Variants in MYZAP observed in about 807,000 individuals in gnomAD.
The protein encoded by MYZAP is GRINL1A complex locus upstream.
In MYZAP, 66 loss-of-function variants were observed where a neutral mutation model predicts 69.4. The observed-to-expected ratio is 0.95, with a 90% CI of 0.78 to 1.17. MYZAP has a LOEUF of 1.17. Ranked by LOEUF, MYZAP falls within the 50% of genes most tolerant of loss-of-function variation. The pLI, the probability that MYZAP is intolerant of heterozygous loss-of-function variation, is 0.00. For synonymous variants in MYZAP, 256 were observed against 205.9 expected (o/e 1.24, Z -2.09); for missense variants, 611 against 556.2 (o/e 1.10, Z -0.99).
intron 10 of MYZAP, among the ~76,000 whole-genome samples, chr15:57,643,972 C>T (rs1313691672): frequency 6.6e-6 from 1 of 152,200 alleles, no homozygotes; most frequent in Non-Finnish European, 1.5e-5. Context: ...TTAATAAGTG[C>T]AAAGGTGCAA....
intron 10 of MYZAP, chr15:57,646,551 A>T (rs1403870737): frequency 2.0e-6 from 2 of 1,015,294 alleles, no homozygotes; most frequent in African/African-American, 3.5e-5. Flanking sequence ...ATCCTTACTT[A>T]TGGAAAAGCT....
chr15:57,662,792 T>A (rs1414598865), intron 11 of MYZAP, among the ~76,000 whole-genome samples: 1 of 152,232 alleles, frequency 6.6e-6, no homozygotes, highest in African/African-American at 2.4e-5. Flanking sequence ...TCCTGAGCTC[T>A]GAACCACCAT....
intron 12 of MYZAP, among the ~76,000 whole-genome samples, chr15:57,682,243 A>C (rs1043716414): frequency 2.6e-5 from 4 of 152,162 alleles, no homozygotes; most frequent in African/African-American, 9.7e-5. Context: ...GAAGAGAGAG[A>C]GAGAGCGTGG....
At chr15:57,628,479 C>T (rs912653972) in intron 5 of MYZAP, among the ~76,000 whole-genome samples, 1 of 151,992 alleles carries the variant, frequency 6.6e-6, no homozygotes, top group African/African-American at 2.4e-5. Context: ...GTCTTGAACT[C>T]CAGGCTCAGG....
chr15:57,608,087 G>C (rs1021033062), intron 2 of MYZAP, among the ~76,000 whole-genome samples: 1 of 152,218 alleles, frequency 6.6e-6, no homozygotes, highest in African/African-American at 2.4e-5. Flanking sequence ...TCAGATATGT[G>C]AGTAGAAAGT....
intron 10 of MYZAP, among the ~76,000 whole-genome samples, chr15:57,650,403 A>G (rs2037670478): frequency 1.3e-5 from 2 of 152,206 alleles, no homozygotes; most frequent in African/African-American, 4.8e-5. Context: ...TCCTGCTCTC[A>G]GAGGACCTTC....
In MYZAP at chr15:57,651,002, A is replaced by T. The variant is rs548421314; in HGVS notation, c.1120-10448A>T. Among the ~76,000 whole-genome samples the T allele has an allele frequency of 6.4e-4, 98 of 152,276 alleles. No individual in the cohort carries two copies. The South Asian group carries it at 6.6e-3, about 10-fold the overall frequency. The stretch of plus-strand genomic sequence containing the variant: ...GGATGTCCTTCATCACTCTGCTCAT[A>T]ATTCCTCAATGGCTCCCCATTGCCT... On this transcript the variant is annotated intron_variant, in intron 10 of 12. Coordinates refer to ENST00000267853, the MANE Select transcript of MYZAP (RefSeq NM_001018100.5).
At chr15:57,673,173 T>C (rs2038949180) in intron 11 of MYZAP, among the ~76,000 whole-genome samples, 1 of 152,202 alleles carries the variant, frequency 6.6e-6, no homozygotes, top group Non-Finnish European at 1.5e-5. Flanking sequence ...ACAAAGGATT[T>C]GGGGTCATTT....
chr15:57,673,460 A>C (rs867348590), intron 11 of MYZAP, among the ~76,000 whole-genome samples: 2 of 72,984 alleles, frequency 2.7e-5, no homozygotes, highest in Non-Finnish European at 2.9e-5. Context: ...GCATGCGTGC[A>C]TGCGTGTGTG....
At chr15:57,654,039 ATTT>A (rs1242174202) in intron 10 of MYZAP, among the ~76,000 whole-genome samples, 29 of 9,712 alleles carry the variant, frequency 3.0e-3, no homozygotes, top group Middle Eastern at 0.1. Flanking sequence ...AAAAGTCCCT[ATTT>A]AGAGGTTAGA....
At chr15:57,664,148 C>T (rs1206557146) in intron 11 of MYZAP, among the ~76,000 whole-genome samples, 1 of 151,128 alleles carries the variant, frequency 6.6e-6, no homozygotes, top group East Asian at 1.9e-4. Flanking sequence ...ATCATTTTGA[C>T]ACCTTTCAGA....
At chr15:57,627,388 A>C (rs1028541600) in intron 5 of MYZAP, among the ~76,000 whole-genome samples, 4 of 4,468 alleles carry the variant, frequency 9.0e-4, no homozygotes, top group Admixed American at 2.7e-3. Flanking sequence ...AGGGAGGGGG[A>C]GGGGGAGGGG....
intron 6 of MYZAP, 117 bp downstream of exon 6, chr15:57,629,971 A>ATTTTTTTCTTTTTT: frequency 2.3e-6 from 2 of 871,818 alleles, no homozygotes; most frequent in Non-Finnish European, 3.1e-6. Flanking sequence ...TCTTCATTGG[A>ATTTTTTTCTTTTTT]TTTTTTTTTT....
At chr15:57,613,040 T>C (rs1289031308) in intron 2 of MYZAP, among the ~76,000 whole-genome samples, 1 of 152,130 alleles carries the variant, frequency 6.6e-6, no homozygotes, top group Non-Finnish European at 1.5e-5. Flanking sequence ...CACACCATTC[T>C]CCTGCCTCAG....
rs1360445053 is a variant in MYZAP at position 57,610,346 on chromosome 15, G to A, written c.162+5991G>A. Among the ~76,000 whole-genome samples the A allele has an allele frequency of 2.6e-5, 4 of 152,336 alleles. No homozygotes were observed. In the Middle Eastern group the frequency reaches 0.01, roughly 389 times the overall value. ...TCCTTTAAAAGCCTTGGATGAATAA[G>A]CCTGCTGAGTTCTCGTCCTTGGCGT... On this transcript the variant is annotated intron_variant, in intron 2 of 12. Coordinates refer to ENST00000267853, the MANE Select transcript of MYZAP (RefSeq NM_001018100.5).
intron 6 of MYZAP, 92 bp from the exon 7 acceptor site, chr15:57,632,342 C>T (rs2036554461): frequency 6.3e-7 from 1 of 1,576,906 alleles, no homozygotes; most frequent in African/African-American, 1.3e-5. Context: ...GGCTCACTAC[C>T]TCTGTGAGTC....
At chr15:57,639,646 A>G in intron 10 of MYZAP, 101 bp downstream of exon 10, 1 of 1,360,596 alleles carries the variant, frequency 7.3e-7, no homozygotes, top group African/African-American at 1.4e-5. Flanking sequence ...TGTGGCTCAC[A>G]AGCCGAGGTG....
At chr15:57,680,807 G>T (rs1399694731) in intron 12 of MYZAP, 1 of 152,190 alleles carries the variant, frequency 6.6e-6, no homozygotes, top group Non-Finnish European at 1.5e-5. Context: ...GCTTTAAAAT[G>T]CTTATATTTT....
rs182105649 is a variant in MYZAP, at chr15:57,634,798, C to G, written c.933+1057C>G. 3.5e-3 allele frequency among the ~76,000 whole-genome samples: 532 copies of G among 152,274 alleles called. 3 individuals are homozygous for G. Among genetic ancestry groups the G allele is most frequent in the African/African-American group, 0.012 (516 of 41,550 alleles). On this transcript the variant is annotated intron_variant, in intron 8 of 12. Coordinates refer to ENST00000267853, the MANE Select transcript of MYZAP (RefSeq NM_001018100.5). ...GTCAATTACAATCTCCCTTCTACCC[C>G]CTGGGAAAACAGAATCCCATCTTTT...
Sources: gnomAD v4.1 joint callset for allele counts (sites outside exome capture counted in the v4.1 genomes callset) on GRCh38, gnomAD v4.1.1 for gene constraint, MANE v1.5 for transcripts, NCBI Gene and HGNC (gene_info 2026-07-23, HGNC 2026-07-21) for gene names.